PCDHA6: variants seen among roughly 807,000 people sequenced by gnomAD.
The protein encoded by PCDHA6 is protocadherin alpha 6, also known as protocadherin alpha-6.
PCDHA6 carries 55 observed loss-of-function variants against 60.3 expected under a neutral mutation model. That is an observed-to-expected ratio of 0.91 (90% CI 0.73 to 1.14). The LOEUF is 1.14. PCDHA6 is among the 50% of genes most tolerant of loss of function. PCDHA6 has a pLI of 0.00. For synonymous variants in PCDHA6, 652 were observed against 557.9 expected, an observed-to-expected ratio of 1.17 and a Z score of -2.38; for missense variants, 1,327 against 1,256.5, an observed-to-expected ratio of 1.06 and a Z score of -0.85.
intron 1 of PCDHA6, chr5:140,968,553 G>A (rs782583876): frequency 4.3e-6 from 7 of 1,614,132 alleles, no homozygotes; most frequent in South Asian, 2.2e-5. Context: ...ATGGTGCCTC[G>A]AACTGCCCCT....
chr5:140,857,554 G>T lies in PCDHA6; in HGVS notation c.2394+27069G>T, dbSNP rs782355772. On this transcript the variant is annotated intron_variant, in intron 1 of 3. Coordinates refer to ENST00000529310, the MANE Select transcript of PCDHA6 (RefSeq NM_018909.4). ...TGGAGCGGCGGTTGGGCGAGCGCTC[G>T]CTGTCGAGCTACGTGTCGGTGCACG... 1.1e-5 allele frequency: 18 copies of T among 1,596,768 alleles called. 1 individual carries two copies. Among genetic ancestry groups the T allele is most frequent in the East Asian group, 6.7e-5 (3 of 44,826 alleles).
intron 1 of PCDHA6, chr5:140,869,033 T>C (rs1161601594): frequency 6.5e-7 from 1 of 1,527,194 alleles, no homozygotes; most frequent in East Asian, 2.3e-5. Flanking sequence ...AACGAGATTT[T>C]TAACCTGAAA....
intron 1 of PCDHA6, among the ~76,000 whole-genome samples, chr5:140,908,124 C>A (rs782391085): frequency 6.6e-6 from 1 of 152,234 alleles, no homozygotes; most frequent in Non-Finnish European, 1.5e-5. Flanking sequence ...GATTTCCCTT[C>A]ACTGCTGTCC....
At chr5:140,854,518 G>A (rs1446011923) in intron 1 of PCDHA6, 1 of 149,946 alleles carries the variant, frequency 6.7e-6, no homozygotes, top group Non-Finnish European at 1.5e-5. Flanking sequence ...GATGGATTAA[G>A]TGACACCCAT....
Position 140,927,871 on chromosome 5 carries a change from C to T in PCDHA6, c.2395-51078C>T, listed in dbSNP as rs376396178. The T allele has an allele frequency of 5.6e-6, 9 of 1,614,048 alleles. No individual in the cohort carries two copies. In the African/African-American group the frequency reaches 1.2e-4, roughly 22 times the overall value. ...TGGTTTAGCTAGCACCGCTAAACTG[C>T]TGGTGGAGGTGACTGACGTGAACGA... On this transcript the variant is annotated intron_variant, in intron 1 of 3. Coordinates refer to ENST00000529310, the MANE Select transcript of PCDHA6 (RefSeq NM_018909.4).
chr5:140,968,295 A>G lies in PCDHA6; in HGVS notation c.2395-10654A>G, dbSNP rs782722853. 4 of 1,613,916 alleles carry G rather than the reference A, an allele frequency of 2.5e-6. No homozygotes were observed. The Admixed American group carries it at 5.0e-5, about 20-fold the overall frequency. ...GCAGAGGTGACCTACTCCCTTCTGG[A>G]GAGGGAGATTCAAGGGCTGCCAGTC... On this transcript the variant is annotated intron_variant, in intron 1 of 3. Coordinates refer to ENST00000529310, the MANE Select transcript of PCDHA6 (RefSeq NM_018909.4).
intron 1 of PCDHA6, among the ~76,000 whole-genome samples, chr5:140,891,410 A>T: frequency 7.7e-6 from 1 of 130,320 alleles, no homozygotes; most frequent in East Asian, 2.5e-4. Context: ...GCCACCCCCC[A>T]CTCTTGCCCC....
chr5:140,936,760 T>G (rs2091134702), intron 1 of PCDHA6, among the ~76,000 whole-genome samples: 1 of 152,220 alleles, frequency 6.6e-6, no homozygotes, highest in African/African-American at 2.4e-5. Context: ...TGATATCTAA[T>G]TGTGTAAGTT....
chr5:140,829,381 G>T lies in PCDHA6; in HGVS notation c.1290G>T (p.Gly430=). The change falls in exon 1 of 4, where the codon GGG becomes GGT. Residue 430 remains glycine, a synonymous_variant. Coordinates refer to ENST00000529310, the MANE Select transcript of PCDHA6 (RefSeq NM_018909.4). ...AGTTGGTGGTAACCGCGCGGGACGG[G>T]GGCTCGCCTTCGCTGTGGGCCACCG... ...AYELVVTARD[G]GSPSLWATAS... The T allele has an allele frequency of 1.9e-6, 3 of 1,614,200 alleles. No individual in the cohort carries two copies. In the South Asian group the frequency reaches 3.3e-5, roughly 18 times the overall value.
rs1263646925 is a variant in PCDHA6 at position 140,846,355 on chromosome 5, C to T, written c.2394+15870C>T. Among the ~76,000 whole-genome samples, 7 of 133,762 alleles carry T rather than the reference C, an allele frequency of 5.2e-5. 1 individual carries two copies. The highest frequency in any genetic ancestry group is 8.2e-5 in the Non-Finnish European group (5 of 61,048). The allele number at this position is 133,762 out of a possible 152,430, so 87.8% of individuals were successfully genotyped here. A position where few individuals can be genotyped will look rare whatever the true frequency, so the allele number is the denominator to read the frequency against. The stretch of plus-strand genomic sequence containing the variant: ...CCTTTTAAAGTGCTTTCTCTTTTTT[C>T]TTTTCTTTTCTTTCTTTCTTTTTTT... On this transcript the variant is annotated intron_variant, in intron 1 of 3. Transcript: ENST00000529310.
At chr5:140,928,157 C>T (rs782528366) in intron 1 of PCDHA6, 9 of 1,614,200 alleles carry the variant, frequency 5.6e-6, no homozygotes, top group Non-Finnish European at 7.6e-6. Flanking sequence ...GATAGTGGCT[C>T]ACCCCCACTT....
At chr5:140,857,348 CT>C (rs2044532824) in intron 1 of PCDHA6, 1 of 1,598,398 alleles carries the variant, frequency 6.3e-7, no homozygotes, top group Non-Finnish European at 8.6e-7. Flanking sequence ...CTCGCCTCCG[CT>C]GTGGGCCACG....
intron 1 of PCDHA6, chr5:140,966,679 G>T: frequency 1.5e-6 from 2 of 1,317,678 alleles, no homozygotes; most frequent in Admixed American, 3.8e-5. Context: ...AGGGTGGCAC[G>T]AGCGGAGGCG....
At position 140,894,452 on chromosome 5, in the gene PCDHA6, A is replaced by G. The variant is rs555452172; in HGVS notation, c.2394+63967A>G. On this transcript the variant is annotated intron_variant, in intron 1 of 3. Coordinates refer to ENST00000529310, the MANE Select transcript of PCDHA6 (RefSeq NM_018909.4). ...ATCCTACCTAGCTCTTTTTTAAAAA[A>G]TATTTTACTTTTTATTCTTGTTTTC... 3.9e-5 allele frequency among the ~76,000 whole-genome samples: 6 copies of G among 152,050 alleles called. No homozygotes were observed. In the East Asian group the frequency reaches 9.6e-4, roughly 24 times the overall value.
intron 1 of PCDHA6, chr5:140,966,748 T>G: frequency 1.4e-6 from 2 of 1,426,956 alleles, no homozygotes; most frequent in Non-Finnish European, 1.8e-6. Flanking sequence ...CCCGGCTGCC[T>G]CCGCCGCGGC....
At chr5:140,845,420 A>T (rs954218239) in intron 1 of PCDHA6, among the ~76,000 whole-genome samples, 2 of 149,530 alleles carry the variant, frequency 1.3e-5, no homozygotes, top group Admixed American at 6.7e-5. Flanking sequence ...GCAATTTATC[A>T]TTTAAGTCAT....
intron 1 of PCDHA6, chr5:140,857,440 G>A (rs2044596243): frequency 6.3e-7 from 1 of 1,598,588 alleles, no homozygotes; most frequent in Non-Finnish European, 8.6e-7. Context: ...TGTTCGTGAA[G>A]GAGAACAACC....
chr5:140,836,501 G>T (rs2150262509), intron 1 of PCDHA6: 1 of 1,613,864 alleles, frequency 6.2e-7, no homozygotes, highest in Admixed American at 1.7e-5. Context: ...CCATCTGCGC[G>T]GTGTCCAGTC....
At chr5:140,848,863 T>G (rs1581167323) in intron 1 of PCDHA6, 1 of 1,589,778 alleles carries the variant, frequency 6.3e-7, no homozygotes, top group African/African-American at 1.4e-5. Context: ...GACGTGGAGG[T>G]GAAGGACATT....
Sources: allele counts gnomAD v4.1 joint callset (sites outside exome capture counted in the v4.1 genomes callset), GRCh38; gene constraint gnomAD v4.1.1; transcripts MANE v1.5; gene names NCBI Gene and HGNC (gene_info 2026-07-23, HGNC 2026-07-21).